Variants in PTPRD observed in about 807,000 individuals in gnomAD.
PTPRD encodes the protein protein tyrosine phosphatase receptor type D, also known as receptor-type tyrosine-protein phosphatase delta.
Under a neutral mutation model 214.5 loss-of-function variants are expected in PTPRD, and 34 were observed. The observed-to-expected ratio is 0.16, with a 90% CI of 0.12 to 0.21. The LOEUF (loss-of-function observed/expected upper bound fraction) is 0.21, where lower values mean the gene tolerates loss of function less well. Ranked by LOEUF, PTPRD falls within the 10% of genes least tolerant of loss-of-function variation. The probability of loss-of-function intolerance (pLI) is 1.00; values close to 1 mark genes in which losing one functional copy is unlikely to be tolerated. For synonymous variants in PTPRD, 1,128 were observed against 845.7 expected, an observed-to-expected ratio of 1.33 and a Z score of -5.79; for missense variants, 2,545 against 2,398.7, an observed-to-expected ratio of 1.06 and a Z score of -1.27.
intron 11 of PTPRD, among the ~76,000 whole-genome samples, chr9:8,963,369 G>T (rs887131354): frequency 3.3e-5 from 5 of 151,980 alleles, no homozygotes; most frequent in Non-Finnish European, 7.4e-5. Flanking sequence ...TGGTAATACG[G>T]GTGTTCACAT....
chr9:10,145,637 A>C (rs778608914), intron 3 of PTPRD, among the ~76,000 whole-genome samples: 2 of 152,096 alleles, frequency 1.3e-5, no homozygotes, highest in African/African-American at 4.8e-5. Context: ...GGGAGTAAAA[A>C]CTTATACATG....
intron 10 of PTPRD, among the ~76,000 whole-genome samples, chr9:9,058,450 T>TTTTTTTTTTG (rs1213653903): frequency 1.6e-5 from 1 of 63,442 alleles, no homozygotes; most frequent in Non-Finnish European, 3.2e-5. Context: ...GGGTTTTTTT[T>TTTTTTTTTTG]TTTTTTTTTT....
intron 3 of PTPRD, among the ~76,000 whole-genome samples, chr9:10,094,021 C>T (rs2098458975): frequency 6.6e-6 from 1 of 151,084 alleles, no homozygotes; most frequent in Admixed American, 6.6e-5. Flanking sequence ...TCATCTGTAC[C>T]CCAAAACCTC....
intron 7 of PTPRD, among the ~76,000 whole-genome samples, chr9:9,643,453 T>C (rs1296962803): frequency 6.6e-6 from 1 of 152,158 alleles, no homozygotes; most frequent in Non-Finnish European, 1.5e-5. Flanking sequence ...GCACCTGTTA[T>C]GGTGGAGATG....
At position 9,926,630 on chromosome 9, in the gene PTPRD, A is replaced by G. The variant is rs117119379; in HGVS notation, c.-368+11877T>C. On this transcript the variant is annotated intron_variant, in intron 5 of 45. Transcript: ENST00000381196. ...CTGAGAAAGGGTAGAAATAAAAATC[A>G]TAAGCTTCAAATATATATGACTTAT... 7.5e-3 allele frequency among the ~76,000 whole-genome samples: 1,140 copies of G among 152,318 alleles called. 7 individuals carry two copies. The highest frequency in any genetic ancestry group is 0.011 in the Non-Finnish European group (716 of 68,000).
chr9:8,709,507 T>G (rs1267588803), intron 12 of PTPRD, among the ~76,000 whole-genome samples: 1 of 115,510 alleles, frequency 8.7e-6, no homozygotes, highest in East Asian at 2.4e-4. Flanking sequence ...AGAGTGAGAC[T>G]CCATCTCAAA....
At chr9:9,171,286 A>G (rs528829239) in intron 10 of PTPRD, among the ~76,000 whole-genome samples, 1 of 151,818 alleles carries the variant, frequency 6.6e-6, no homozygotes, top group African/African-American at 2.4e-5. Context: ...TTTTCCCTGT[A>G]AAATGTGAAG....
intron 5 of PTPRD, among the ~76,000 whole-genome samples, chr9:9,876,695 C>T (rs1013273733): frequency 6.6e-6 from 1 of 152,114 alleles, no homozygotes; most frequent in Non-Finnish European, 1.5e-5. Flanking sequence ...TTTGGGAGCT[C>T]TTTCTCAAAT....
At chr9:8,590,080 G>A (rs1165688349) in intron 14 of PTPRD, among the ~76,000 whole-genome samples, 1 of 151,906 alleles carries the variant, frequency 6.6e-6, no homozygotes, top group African/African-American at 2.4e-5. Flanking sequence ...CCATACTTAA[G>A]GGTACATAGA....
At chr9:8,397,115 TG>T (rs1279443983) in intron 36 of PTPRD, among the ~76,000 whole-genome samples, 2 of 152,066 alleles carry the variant, frequency 1.3e-5, no homozygotes, top group Non-Finnish European at 2.9e-5. Context: ...CAGGATTTAT[TG>T]TTTTTAAATG....
In PTPRD at chr9:8,341,765, C is replaced by G. The variant is rs1249741113; in HGVS notation, c.4875G>C (p.Leu1625Phe). The G allele has an allele frequency of 6.2e-7, 1 of 1,613,622 alleles. No individual in the cohort carries two copies. Among genetic ancestry groups the G allele is most frequent in the Non-Finnish European group, 8.5e-7 (1 of 1,179,738 alleles). ...GTGTCAGCTTCTGAATGTAGGCATA[C>G]AAGTTTCTAGCTGGCACTTCGGTAT... ...CGNTEVPARNLYAYIQKLTQI... is the reference protein window; with the variant it reads ...CGNTEVPARNFYAYIQKLTQI... Residue 1625 changes from leucine (L) to phenylalanine (F), a missense_variant, in exon 40 of 46, where the codon TTG becomes TTC. Transcript: ENST00000381196.
chr9:8,894,681 A>T (rs1403818755), intron 11 of PTPRD, among the ~76,000 whole-genome samples: 2 of 152,228 alleles, frequency 1.3e-5, no homozygotes, highest in Non-Finnish European at 2.9e-5. Context: ...AACGTATGCT[A>T]TATTGCAACA....
chr9:8,428,554 T>C (rs1169912859), intron 35 of PTPRD, among the ~76,000 whole-genome samples: 1 of 152,200 alleles, frequency 6.6e-6, no homozygotes, highest in African/African-American at 2.4e-5. Flanking sequence ...TATTCCACTC[T>C]TCCACTTTGC....
intron 11 of PTPRD, among the ~76,000 whole-genome samples, chr9:8,917,139 T>A (rs1172246853): frequency 1.3e-5 from 2 of 151,038 alleles, no homozygotes; most frequent in Non-Finnish European, 3.0e-5. Context: ...CTTCTTCTTT[T>A]TTTTTTTTTT....
intron 10 of PTPRD, among the ~76,000 whole-genome samples, chr9:9,058,350 A>G (rs1329977169): frequency 6.7e-6 from 1 of 148,980 alleles, no homozygotes; most frequent in Non-Finnish European, 1.5e-5. Context: ...GTGAATTTGG[A>G]TTGGACTGGA....
chr9:9,298,957 A>G (rs1442445131), intron 9 of PTPRD, among the ~76,000 whole-genome samples: 2 of 151,822 alleles, frequency 1.3e-5, no homozygotes, highest in Non-Finnish European at 2.9e-5. Context: ...TTAATATAAA[A>G]GACTTAAATG....
intron 4 of PTPRD, among the ~76,000 whole-genome samples, chr9:9,955,826 T>A (rs2093879626): frequency 6.6e-6 from 1 of 152,004 alleles, no homozygotes; most frequent in African/African-American, 2.4e-5. Context: ...CCGGCCTATT[T>A]GGGTTCTTAA....
At chr9:9,010,639 T>C (rs2099507674) in intron 11 of PTPRD, among the ~76,000 whole-genome samples, 2 of 151,546 alleles carry the variant, frequency 1.3e-5, no homozygotes, top group Admixed American at 1.3e-4. Context: ...CAGATCTTTC[T>C]GGGTTCTGAT....
At chr9:8,408,557 A>G (rs1437744058) in intron 35 of PTPRD, among the ~76,000 whole-genome samples, 1 of 152,196 alleles carries the variant, frequency 6.6e-6, no homozygotes, top group Non-Finnish European at 1.5e-5. Context: ...GTAAAAGTTG[A>G]TTAATACACT....
Sources: allele counts gnomAD v4.1 joint callset (sites outside exome capture counted in the v4.1 genomes callset), GRCh38; gene constraint gnomAD v4.1.1; transcripts MANE v1.5; gene names NCBI Gene and HGNC (gene_info 2026-07-23, HGNC 2026-07-21).